PLCH2: variants seen among roughly 807,000 people sequenced by gnomAD.
PLCH2 encodes 1-phosphatidylinositol 4,5-bisphosphate phosphodiesterase eta-2.
Under a neutral mutation model 134.7 loss-of-function variants are expected in PLCH2, and 98 were observed. The observed-to-expected ratio is 0.73, with a 90% confidence interval of 0.62 to 0.86. The LOEUF (loss-of-function observed/expected upper bound fraction) is 0.86, where lower values mean the gene tolerates loss of function less well. PLCH2 is among the 40% of genes least tolerant of loss of function. The pLI, the probability that PLCH2 is intolerant of heterozygous loss-of-function variation, is 0.00. For synonymous variants in PLCH2, 974 were observed against 827.5 expected, an observed-to-expected ratio of 1.18 and a Z score of -3.04; for missense variants, 1,994 against 1,986.6, an observed-to-expected ratio of 1.00 and a Z score of -0.07.
In PLCH2 at chr1:2,499,637, C is replaced by A. The variant is rs758592706; in HGVS notation, c.2582-4C>A. 21 of 1,596,216 alleles carry A rather than the reference C, an allele frequency of 1.3e-5. No homozygotes were observed. Among genetic ancestry groups the A allele is most frequent in the Non-Finnish European group, 1.8e-5 (21 of 1,171,640 alleles). ...CATGACCCTGCTGACCCACACTGCT[C>A]CAGGCTACAGACACGTGTACCTAGA... is the stretch of plus-strand genomic sequence containing the variant. On this transcript the variant is annotated splice_region_variant and splice_polypyrimidine_tract_variant and intron_variant, in intron 19 of 21. Coordinates refer to ENST00000378486, the MANE Select transcript of PLCH2 (RefSeq NM_014638.4).
At chr1:2,417,143 G>A in the PLCH2 span, among the ~76,000 whole-genome samples, 2 of 152,302 alleles carry the variant, frequency 1.3e-5, no homozygotes, top group Admixed American at 6.5e-5. Context: ...TCTACCTGTC[G>A]CTGGGATTGG....
At chr1:2,483,587 C>T (rs1642090295) in intron 4 of PLCH2, among the ~76,000 whole-genome samples, 1 of 152,140 alleles carries the variant, frequency 6.6e-6, no homozygotes, top group African/African-American at 2.4e-5. Flanking sequence ...CCTGCCCAGC[C>T]CTGGGCTCCC....
chr1:2,477,806 T>C (rs550427744), intron 1 of PLCH2, among the ~76,000 whole-genome samples: 107 of 152,320 alleles, frequency 7.0e-4, no homozygotes, highest in Non-Finnish European at 1.1e-3. Context: ...GACGCAGACA[T>C]TCATGGCACC....
chr1:2,426,145 G>A (rs1373319452), intron 1 of PLCH2: 1 of 152,242 alleles, frequency 6.6e-6, no homozygotes, highest in Non-Finnish European at 1.5e-5. Flanking sequence ...TATCTGAGCC[G>A]AGGCCCAGGG....
intron 2 of PLCH2, among the ~76,000 whole-genome samples, chr1:2,443,383 C>T (rs1297183601): frequency 2.0e-5 from 3 of 152,134 alleles, no homozygotes; most frequent in Non-Finnish European, 4.4e-5. Flanking sequence ...GTAGTGTCGC[C>T]GGGGCCCCTG....
rs1207403138 is a variant in PLCH2 at position 2,497,596 on chromosome 1, G to A, written c.2211G>A (p.Gly737=). The A allele has an allele frequency of 6.4e-7, 1 of 1,558,738 alleles. No homozygotes were observed. The highest frequency in any genetic ancestry group is 8.7e-7 in the Non-Finnish European group (1 of 1,151,398). The change falls in exon 16 of 22, where the codon GGG becomes GGA. Residue 737 remains glycine, a synonymous_variant. Transcript: ENST00000378486. The part of the protein sequence containing the change: ...NGGCGYVLKP[G]CMCQGVFNPN... ...GCTGCGGCTACGTACTCAAGCCTGGGTGCATGTGCCAGGGTGAGGCACTCG... is the reference window on the plus strand; with the variant it reads ...GCTGCGGCTACGTACTCAAGCCTGGATGCATGTGCCAGGGTGAGGCACTCG...
At chr1:2,470,785 C>T (rs936668738) in intron 1 of PLCH2, among the ~76,000 whole-genome samples, 1 of 152,188 alleles carries the variant, frequency 6.6e-6, no homozygotes, top group Non-Finnish European at 1.5e-5. Flanking sequence ...AGCTGGCAGG[C>T]CAGGCTCCAT....
chr1:2,497,773 G>C (rs1570477981), intron 16 of PLCH2, 164 bp downstream of exon 16: 1 of 557,196 alleles, frequency 1.8e-6, no homozygotes. Context: ...CAGGATGCTG[G>C]GGAGGTGGGT....
chr1:2,478,193 G>A (rs965187492), intron 1 of PLCH2, among the ~76,000 whole-genome samples: 4 of 152,186 alleles, frequency 2.6e-5, no homozygotes, highest in African/African-American at 9.7e-5. Context: ...GGGGAGCAGG[G>A]CCCTCAGTTC....
chr1:2,416,873 C>T, the PLCH2 span, among the ~76,000 whole-genome samples: 1 of 152,078 alleles, frequency 6.6e-6, no homozygotes, highest in Non-Finnish European at 1.5e-5. Flanking sequence ...TGGCCGGGGA[C>T]CAGCAGGAAT....
rs1205621852 is a variant in PLCH2 at position 2,478,752 on chromosome 1, T to G, written c.271+130T>G. 11 of 929,644 alleles carry G rather than the reference T, an allele frequency of 1.2e-5. No individual in the cohort carries two copies. The South Asian group carries it at 1.6e-4, about 14-fold the overall frequency. The allele number at this position is 929,644 out of a possible 1,614,324, so 57.6% of individuals were successfully genotyped here. On this transcript the variant is annotated intron_variant, in intron 2 of 21. Transcript: ENST00000378486. ...TAGGCCTGGACACCTCTGGGCTCAG[T>G]GGCCTTGGGGATCTGCAGTGACCTC...
At chr1:2,503,373 G>C in intron 21 of PLCH2, 1 of 586,064 alleles carries the variant, frequency 1.7e-6, no homozygotes, top group Non-Finnish European at 3.0e-6. Flanking sequence ...TCTGATGTGG[G>C]CAGGTAGTGC....
At position 2,504,827 on chromosome 1, in the gene PLCH2, G is replaced by C. The variant is rs1346764986; in HGVS notation, c.3865G>C (p.Val1289Leu). The C allele has an allele frequency of 6.2e-7, 1 of 1,609,440 alleles. No individual in the cohort carries two copies. The highest frequency in any genetic ancestry group is 8.5e-7 in the Non-Finnish European group (1 of 1,178,566). ...GGGCCTCCCGGGAGGGACACGGCGG[G>C]TGTCGGGGCCAGGGGTGAGACGGGA... Reference protein sequence around the residue: ...SLGLPGGTRRVSGPGVRRDTL... With the variant: ...SLGLPGGTRRLSGPGVRRDTL... Residue 1289 changes from valine (V) to leucine (L), a missense_variant, in exon 22 of 22, where the codon GTG becomes CTG. By Grantham distance (32) the Val-to-Leu change is conservative. Around this residue, in one of 2 missense-constraint regions of PLCH2, gnomAD observed 900 missense variants for 752.3 expected, o/e 1.20. Transcript: ENST00000378486.
At chr1:2,489,994 C>G (rs745836751) in intron 10 of PLCH2, 127 bp downstream of exon 10, 2 of 717,322 alleles carry the variant, frequency 2.8e-6, no homozygotes, top group Admixed American at 2.1e-5. Flanking sequence ...GGGGCAGATT[C>G]GCACAGCGGC....
chr1:2,498,382 C>A lies in PLCH2; in HGVS notation c.2225-141C>A. 1 of 920,968 alleles carries A rather than the reference C, an allele frequency of 1.1e-6. No homozygotes were observed. Among genetic ancestry groups the A allele is most frequent in the Non-Finnish European group, 1.6e-6 (1 of 620,150 alleles). The allele number at this position is 920,968 out of a possible 1,614,324, so 57.0% of individuals were successfully genotyped here. Reference sequence around the variant, plus strand: ...TGCACCCCGAGGTGCCCCCCTGGACCACTGCCTCCCTCCCTCCCCCTGGCA... The same window carrying A: ...TGCACCCCGAGGTGCCCCCCTGGACAACTGCCTCCCTCCCTCCCCCTGGCA... On this transcript the variant is annotated intron_variant, in intron 16 of 21. Coordinates refer to ENST00000378486, the MANE Select transcript of PLCH2 (RefSeq NM_014638.4). The surrounding 1 kb of genome is among the most constrained non-coding windows in gnomAD (Gnocchi z 5.4).
upstream of PLCH2, among the ~76,000 whole-genome samples, chr1:2,473,863 G>A (rs1641469814): frequency 6.6e-6 from 1 of 152,232 alleles, no homozygotes; most frequent in African/African-American, 2.4e-5. Context: ...TCCCAGTCTG[G>A]CCTCTGGTGT....
At chr1:2,419,500 T>C in the PLCH2 span, among the ~76,000 whole-genome samples, 1 of 151,990 alleles carries the variant, frequency 6.6e-6, no homozygotes, top group African/African-American at 2.4e-5. Flanking sequence ...GTTTTCCACT[T>C]GTTGTTGACA....
At chr1:2,466,537 C>T (rs552661829), upstream of PLCH2, among the ~76,000 whole-genome samples, 92 of 152,324 alleles carry the variant, frequency 6.0e-4, 1 homozygote, top group African/African-American at 2.1e-3. Flanking sequence ...GAGGTGGCAG[C>T]GGCTCAGAGA....
upstream of PLCH2, among the ~76,000 whole-genome samples, chr1:2,466,678 A>C (rs1403468661): frequency 6.6e-6 from 1 of 152,230 alleles, no homozygotes; most frequent in Admixed American, 6.5e-5. Flanking sequence ...CCCTTGGGGC[A>C]GAGGTGGTAC....
Sources: allele counts gnomAD v4.1 joint callset (sites outside exome capture counted in the v4.1 genomes callset), GRCh38; gene constraint gnomAD v4.1.1; regional missense constraint gnomAD v4.1.1; non-coding constraint Gnocchi (gnomAD v3.1); transcripts MANE v1.5; gene names NCBI Gene and HGNC (gene_info 2026-07-23, HGNC 2026-07-21).